ANTKMT: variants seen among roughly 807,000 people sequenced by gnomAD.
ANTKMT encodes the protein adenine nucleotide translocase lysine N-methyltransferase.
ANTKMT carries 24 observed loss-of-function variants against 20.7 expected under a neutral mutation model. The observed-to-expected ratio is 1.16, with a 90% CI of 0.84 to 1.63. The LOEUF is 1.63. ANTKMT is among the 40% of genes most tolerant of loss of function. The probability of loss-of-function intolerance (pLI) is 0.00; values close to 1 mark genes in which losing one functional copy is unlikely to be tolerated. For synonymous variants in ANTKMT, 193 were observed against 161.2 expected (o/e 1.20, Z -1.49); for missense variants, 428 against 334.8 (o/e 1.28, Z -2.17).
intron 4 of ANTKMT, 28 bp from the exon 5 acceptor site, chr16:722,281 C>G: frequency 6.2e-7 from 1 of 1,600,762 alleles, no homozygotes; most frequent in East Asian, 2.3e-5. Context: ...CGCCCCCGCC[C>G]CCTCTACTCT....
chr16:721,858 T>C lies in ANTKMT; in HGVS notation c.325T>C (p.Trp109Arg). 6.4e-7 allele frequency: 1 copy of C among 1,566,152 alleles called. No individual in the cohort carries two copies. The highest frequency in any genetic ancestry group is 1.9e-5 in the Admixed American group (1 of 53,846). ...GGCCGTGGGCTACGAGCTGAACCCCTGGCTGGTGGCGCTGGCGCGGCTGCA... is the reference window on the plus strand; with the variant it reads ...GGCCGTGGGCTACGAGCTGAACCCCCGGCTGGTGGCGCTGGCGCGGCTGCA... ...RPAVGYELNP[W>R]LVALARLHAW... is the part of the protein sequence containing the mutation. The change falls in exon 3 of 5, where the codon TGG (tryptophan) becomes CGG (arginine). Residue 109 changes from tryptophan to arginine, a missense_variant. By Grantham distance (101) the Trp-to-Arg change is moderately radical. Coordinates refer to ENST00000569529, the MANE Select transcript of ANTKMT (RefSeq NM_023933.3).
intron 1 of ANTKMT, 48 bp from the exon 2 acceptor site, chr16:721,550 C>G (rs966740057): frequency 6.7e-7 from 1 of 1,492,014 alleles, no homozygotes; most frequent in Admixed American, 2.3e-5. Context: ...GGCCGGGCTG[C>G]GGGCGGGGCG....
In ANTKMT at chr16:721,623, G is replaced by A; in HGVS notation, c.188G>A (p.Arg63Gln). 1 of 1,545,542 alleles carries A rather than the reference G, an allele frequency of 6.5e-7. No homozygotes were observed. Among genetic ancestry groups the A allele is most frequent in the Non-Finnish European group, 8.7e-7 (1 of 1,146,004 alleles). ...LQVPYVGASA[R>Q]QVEHVLSLLR... The stretch of plus-strand genomic sequence containing the variant: ...GTGCCCTACGTCGGCGCGAGCGCGC[G>A]GCAGGTGGAGCACGTGTTGTCGCTG... Residue 63 changes from arginine to glutamine, a missense_variant, in exon 2 of 5, where the codon CGG (arginine) becomes CAG (glutamine). Coordinates refer to ENST00000569529, the MANE Select transcript of ANTKMT (RefSeq NM_023933.3).
At chr16:721,546 G>A (rs1025614771) in intron 1 of ANTKMT, 52 bp from the exon 2 acceptor site, 3 of 1,495,272 alleles carry the variant, frequency 2.0e-6, no homozygotes, top group Admixed American at 4.5e-5. Context: ...TTCGGGCCGG[G>A]CTGCGGGCGG....
Position 722,108 on chromosome 16 carries a change from G to A in ANTKMT, c.433G>A (p.Val145Met), listed in dbSNP as rs368615348. Reference protein sequence around the residue: ...WKVSLRDCRNVSVFLAPSVLP... With the variant: ...WKVSLRDCRNMSVFLAPSVLP... ...GGTGAGCCTGAGGGACTGCCGCAAC[G>A]TGTCTGTGTTCCTGGCCCCTAGCGT... is the stretch of plus-strand genomic sequence containing the variant. Residue 145 changes from valine (V) to methionine (M), a missense_variant, in exon 4 of 5, where the codon GTG becomes ATG. Val to Met is a conservative substitution (Grantham distance 21). Coordinates refer to ENST00000569529, the MANE Select transcript of ANTKMT (RefSeq NM_023933.3). 7 of 1,608,940 alleles carry A rather than the reference G, an allele frequency of 4.4e-6. No homozygotes were observed. In the East Asian group the frequency reaches 1.1e-4, roughly 26 times the overall value.
At position 722,391 on chromosome 16, in the gene ANTKMT, GGCA is replaced by G; in HGVS notation, c.545_547del (p.Gln182del). 6 of 1,601,760 alleles carry G rather than the reference GGCA, an allele frequency of 3.7e-6. No individual in the cohort carries two copies. The highest frequency in any genetic ancestry group is 4.3e-6 in the Non-Finnish European group (5 of 1,174,362). ...TCTGGGCGCTTCCCACTCCCCACCT[GGCA>G]GCCTGTGACCGCGGTTGGCGAGGGC... On this transcript the variant is annotated inframe_deletion, in exon 5 of 5. Coordinates refer to ENST00000569529, the MANE Select transcript of ANTKMT (RefSeq NM_023933.3).
At chr16:722,058 G>A (rs1255239547) in intron 3 of ANTKMT, 26 bp from the exon 4 acceptor site, 5 of 1,591,354 alleles carry the variant, frequency 3.1e-6, no homozygotes, top group Non-Finnish European at 3.4e-6. Flanking sequence ...GCCTCTCCCC[G>A]GCCGGGGCGA....
chr16:722,436 C>G lies in ANTKMT; in HGVS notation c.587C>G (p.Ala196Gly), dbSNP rs774061275. 1 of 1,610,018 alleles carries G rather than the reference C, an allele frequency of 6.2e-7. No individual in the cohort carries two copies. Among genetic ancestry groups the G allele is most frequent in the East Asian group, 2.2e-5 (1 of 44,786 alleles). Reference protein sequence around the residue: ...AVGEGLDRVWAYDVPEGGQAG... With the variant: ...AVGEGLDRVWGYDVPEGGQAG... ...GGCGAGGGCCTGGACCGAGTATGGG[C>G]TTATGATGTTCCTGAGGGTGGGCAG... Residue 196 changes from alanine (A) to glycine (G), a missense_variant, in exon 5 of 5, where the codon GCT becomes GGT. By Grantham distance (60) the Ala-to-Gly change is moderately conservative (BLOSUM62 0). Transcript: ENST00000569529.
chr16:722,142 C>T lies in ANTKMT; in HGVS notation c.459+8C>T, dbSNP rs756561798. 1.6e-5 allele frequency: 25 copies of T among 1,603,664 alleles called. No individual in the cohort carries two copies. Among genetic ancestry groups the T allele is most frequent in the Non-Finnish European group, 1.9e-5 (22 of 1,177,440 alleles). ...TTCCTGGCCCCTAGCGTGGTAGGTGCGGGGTTGCCAGCCCCGCTGGGAAGC... is the reference window on the plus strand; with the variant it reads ...TTCCTGGCCCCTAGCGTGGTAGGTGTGGGGTTGCCAGCCCCGCTGGGAAGC... On this transcript the variant is annotated splice_region_variant and intron_variant, in intron 4 of 4. Coordinates refer to ENST00000569529, the MANE Select transcript of ANTKMT (RefSeq NM_023933.3).
At chr16:722,267 G>T (rs2040267353) in intron 4 of ANTKMT, 42 bp from the exon 5 acceptor site, 1 of 1,591,800 alleles carries the variant, frequency 6.3e-7, no homozygotes, top group Non-Finnish European at 8.5e-7. Flanking sequence ...TTTTCTACCG[G>T]CCCCGCCCCC....
In ANTKMT at chr16:722,549, G is replaced by A. The variant is rs767888033; in HGVS notation, c.700G>A (p.Ala234Thr). ...CATCCCGGGGGGCCTTATTTCTCAG[G>A]CCAGCTGAGTATTAGACACGATAAA... ...APIPGGLISQ[A>T]S The change falls in exon 5 of 5, where the codon GCC becomes ACC. Residue 234 changes from alanine (A) to threonine (T), a missense_variant. By Grantham distance (58) the Ala-to-Thr change is moderately conservative. Transcript: ENST00000569529. 17 of 1,417,716 alleles carry A rather than the reference G, an allele frequency of 1.2e-5. No individual in the cohort carries two copies. Among genetic ancestry groups the A allele is most frequent in the African/African-American group, 1.2e-4 (8 of 67,330 alleles). The allele number at this position is 1,417,716 out of a possible 1,614,324, so 87.8% of individuals were successfully genotyped here.
Position 721,724 on chromosome 16 carries a change from T to G in ANTKMT, c.267+22T>G, listed in dbSNP as rs2151530862. 3 of 1,545,876 alleles carry G rather than the reference T, an allele frequency of 1.9e-6. No homozygotes were observed. The East Asian group carries it at 7.4e-5, about 38-fold the overall frequency. ...GATCGTAAGTGCCTGCGTCTGGGTCTTCGCCGCCCCACACCGCCCACCTGC... is the reference window on the plus strand; with the variant it reads ...GATCGTAAGTGCCTGCGTCTGGGTCGTCGCCGCCCCACACCGCCCACCTGC... On this transcript the variant is annotated intron_variant, in intron 2 of 4. Coordinates refer to ENST00000569529, the MANE Select transcript of ANTKMT (RefSeq NM_023933.3).
At position 721,751 on chromosome 16, in the gene ANTKMT, G is replaced by A. The variant is rs749347121; in HGVS notation, c.267+49G>A. On this transcript the variant is annotated intron_variant, in intron 2 of 4. Coordinates refer to ENST00000569529, the MANE Select transcript of ANTKMT (RefSeq NM_023933.3). The stretch of plus-strand genomic sequence containing the variant: ...CGCCGCCCCACACCGCCCACCTGCT[G>A]GCGGGCGCCCCTGCCCACATCCTGG... The A allele has an allele frequency of 5.2e-6, 8 of 1,535,992 alleles. No homozygotes were observed. The South Asian group carries it at 7.3e-5, about 14-fold the overall frequency.
At position 721,542 on chromosome 16, in the gene ANTKMT, CCGGGCTGCGGGCGGGG is replaced by C. The variant is rs1398149999; in HGVS notation, c.163-51_163-36del. ...CCGCCCCGCCGTGTGGTAGTTCGGG[CCGGGCTGCGGGCGGGG>C]CGGGAGCGGCCAGTGGACTCTCGCC... On this transcript the variant is annotated intron_variant, in intron 1 of 4. Coordinates refer to ENST00000569529, the MANE Select transcript of ANTKMT (RefSeq NM_023933.3). 49 of 1,488,286 alleles carry C rather than the reference CCGGGCTGCGGGCGGGG, an allele frequency of 3.3e-5. No individual in the cohort carries two copies. The East Asian group carries it at 1.2e-3, about 36-fold the overall frequency. 92.2% of individuals were successfully genotyped at this position (1,488,286 alleles called of 1,614,324 possible).
At position 722,122 on chromosome 16, in the gene ANTKMT, G is replaced by C; in HGVS notation, c.447G>C (p.Leu149=). The C allele has an allele frequency of 6.2e-7, 1 of 1,609,102 alleles. No homozygotes were observed. Among genetic ancestry groups the C allele is most frequent in the Non-Finnish European group, 8.5e-7 (1 of 1,179,000 alleles). ...LRDCRNVSVF[L]APSVLPLLED... is the part of the protein sequence containing the mutation. ...ACTGCCGCAACGTGTCTGTGTTCCTGGCCCCTAGCGTGGTAGGTGCGGGGT... is the reference window on the plus strand; with the variant it reads ...ACTGCCGCAACGTGTCTGTGTTCCTCGCCCCTAGCGTGGTAGGTGCGGGGT... Residue 149 remains leucine (L), a synonymous_variant, in exon 4 of 5, where the codon CTG becomes CTC. Transcript: ENST00000569529.
rs543031574 is a variant in ANTKMT at position 721,957 on chromosome 16, C to T, written c.408+16C>T. The T allele has an allele frequency of 5.8e-6, 9 of 1,563,784 alleles. No individual in the cohort carries two copies. The South Asian group carries it at 1.0e-4, about 18-fold the overall frequency. On this transcript the variant is annotated intron_variant, in intron 3 of 4. Transcript: ENST00000569529. ...TCTCTGGAAGGTAACCTGGGGATCC[C>T]TGGCCACCCGCTGACAGCCCAAGGT...
At chr16:722,017 T>G in intron 3 of ANTKMT, 67 bp from the exon 4 acceptor site, 7 of 1,554,406 alleles carry the variant, frequency 4.5e-6, no homozygotes, top group Non-Finnish European at 6.1e-6. Context: ...GGGCCGGGAC[T>G]CGGAAGCTGC....
At position 721,845 on chromosome 16, in the gene ANTKMT, C is replaced by A. The variant is rs1020097186; in HGVS notation, c.312C>A (p.Tyr104Ter). The change falls in exon 3 of 5, where the codon TAC becomes TAA. Residue 104 changes from tyrosine to a stop codon, truncating the protein, a stop_gained. Coordinates refer to ENST00000569529, the MANE Select transcript of ANTKMT (RefSeq NM_023933.3). LOFTEE classifies it high-confidence loss of function. ...GCGGCCTCCGCCCGGCCGTGGGCTA[C>A]GAGCTGAACCCCTGGCTGGTGGCGC... ...HRCGLRPAVG[Y>*]ELNPWLVALA... 3.8e-6 allele frequency: 6 copies of A among 1,562,400 alleles called. No homozygotes were observed. Among genetic ancestry groups the A allele is most frequent in the African/African-American group, 1.3e-5 (1 of 74,214 alleles).
rs1255330554 is a variant in ANTKMT at position 721,372 on chromosome 16, C to T, written c.98C>T (p.Ala33Val). The change falls in exon 1 of 5, where the codon GCA becomes GTA. Residue 33 changes from alanine (A) to valine (V), a missense_variant. Physicochemically the swap from Ala to Val is moderately conservative, Grantham distance 64. Coordinates refer to ENST00000569529, the MANE Select transcript of ANTKMT (RefSeq NM_023933.3). ...LLQAAAGSGL[A>V]AYAVWALLLQ... is the part of the protein sequence containing the mutation. ...CAGGCGGCGGCCGGCTCGGGCTTGGCAGCCTACGCGGTGTGGGCGCTGCTG... is the reference window on the plus strand; with the variant it reads ...CAGGCGGCGGCCGGCTCGGGCTTGGTAGCCTACGCGGTGTGGGCGCTGCTG... 2.3e-6 allele frequency: 3 copies of T among 1,328,874 alleles called. No homozygotes were observed. The highest frequency in any genetic ancestry group is 2.9e-6 in the Non-Finnish European group (3 of 1,043,462). The allele number at this position is 1,328,874 out of a possible 1,614,324, so 82.3% of individuals were successfully genotyped here.
Sources: gnomAD v4.1 joint callset for allele counts on GRCh38, gnomAD v4.1.1 for gene constraint, MANE v1.5 for transcripts, NCBI Gene and HGNC (gene_info 2026-07-23, HGNC 2026-07-21) for gene names.